PLA2G7: variants seen among roughly 807,000 people sequenced by gnomAD.
The protein encoded by PLA2G7 is platelet-activating factor acetylhydrolase.
PLA2G7 carries 63 observed loss-of-function variants against 49.6 expected under a neutral mutation model. That is an observed-to-expected ratio of 1.27 (90% confidence interval 1.04 to 1.57). PLA2G7 has a LOEUF of 1.57. Among genes scored for constraint, PLA2G7 ranks in the 40% most tolerant of loss-of-function variants. The pLI is 0.00. For synonymous variants in PLA2G7, 193 were observed against 169.9 expected, an observed-to-expected ratio of 1.14 and a Z score of -1.06; for missense variants, 596 against 521.2, an observed-to-expected ratio of 1.14 and a Z score of -1.40.
At chr6:46,712,220 G>T in intron 6 of PLA2G7, 49 bp downstream of exon 6, 2 of 1,111,218 alleles carry the variant, frequency 1.8e-6, no homozygotes, top group South Asian at 1.2e-5. Flanking sequence ...TATGAGCATT[G>T]ACATTCCCTG....
At position 46,735,179 on chromosome 6, in the gene PLA2G7, C is replaced by T. The variant is rs1183453697; in HGVS notation, c.-35+1G>A. On this transcript the variant is annotated splice_donor_variant, in intron 1 of 11. Coordinates refer to ENST00000274793, the MANE Select transcript of PLA2G7 (RefSeq NM_005084.4). LOFTEE classifies it low-confidence loss of function (5UTR_SPLICE). ...GCCTCGCCCCCGGGGCCCCTCCTCA[C>T]TCAGGCGCGGCGCGGAGCTGCTCGC... 6.6e-6 allele frequency: 1 copy of T among 152,208 alleles called. No individual in the cohort carries two copies. The highest frequency in any genetic ancestry group is 1.5e-5 in the Non-Finnish European group (1 of 68,058). The allele number at this position is 152,208 out of a possible 1,614,324, so 9.4% of individuals were successfully genotyped here.
At chr6:46,728,696 GTTCCTGATC>G (rs1765642305) in intron 1 of PLA2G7, among the ~76,000 whole-genome samples, 1 of 152,182 alleles carries the variant, frequency 6.6e-6, no homozygotes, top group Non-Finnish European at 1.5e-5. Flanking sequence ...TATACTGTAA[GTTCCTGATC>G]TTACTCTCAG....
intron 2 of PLA2G7, among the ~76,000 whole-genome samples, chr6:46,721,145 A>G (rs1369195557): frequency 6.6e-6 from 1 of 152,030 alleles, no homozygotes; most frequent in Non-Finnish European, 1.5e-5. Flanking sequence ...GGTTCAAGCA[A>G]TTCTCCTGCC....
At chr6:46,719,968 T>C (rs45560248) in intron 2 of PLA2G7, among the ~76,000 whole-genome samples, 1 of 152,332 alleles carries the variant, frequency 6.6e-6, no homozygotes, top group African/African-American at 2.4e-5. Context: ...TATTTTGAAT[T>C]ACAAAAGGCT....
intron 8 of PLA2G7, among the ~76,000 whole-genome samples, chr6:46,710,076 T>C (rs1010982635): frequency 2.6e-5 from 4 of 152,108 alleles, no homozygotes; most frequent in Admixed American, 6.6e-5. Context: ...AATTTCTTCA[T>C]TGTATCTGGA....
chr6:46,725,913 G>GT (rs1307489311), intron 1 of PLA2G7, among the ~76,000 whole-genome samples: 2 of 152,178 alleles, frequency 1.3e-5, no homozygotes, highest in Non-Finnish European at 2.9e-5. Context: ...TATTTAATGT[G>GT]TATTCACAAG....
At chr6:46,719,252 G>A (rs1050488036) in intron 2 of PLA2G7, among the ~76,000 whole-genome samples, 4 of 152,186 alleles carry the variant, frequency 2.6e-5, no homozygotes, top group African/African-American at 9.6e-5. Context: ...GCCCAGAAAA[G>A]TTTTGAGTCA....
At chr6:46,733,593 G>A (rs940155186) in intron 1 of PLA2G7, among the ~76,000 whole-genome samples, 1 of 152,226 alleles carries the variant, frequency 6.6e-6, no homozygotes, top group East Asian at 1.9e-4. Flanking sequence ...CACTTTCAGT[G>A]CCCAAGTGCA....
intron 7 of PLA2G7, among the ~76,000 whole-genome samples, chr6:46,711,266 A>G (rs927820066): frequency 2.6e-5 from 4 of 152,190 alleles, no homozygotes; most frequent in Non-Finnish European, 4.4e-5. Context: ...GGAATTCTGA[A>G]TATTCACTGT....
At chr6:46,729,190 A>G (rs930634693) in intron 1 of PLA2G7, among the ~76,000 whole-genome samples, 1 of 152,192 alleles carries the variant, frequency 6.6e-6, no homozygotes, top group Admixed American at 6.5e-5. Context: ...TCTCCCGCTA[A>G]AGGAACTCAG....
intron 10 of PLA2G7, among the ~76,000 whole-genome samples, chr6:46,707,131 C>T (rs1338474759): frequency 6.6e-6 from 1 of 152,062 alleles, no homozygotes; most frequent in Non-Finnish European, 1.5e-5. Flanking sequence ...CAAGAATTGC[C>T]AACACGTCAT....
intron 2 of PLA2G7, among the ~76,000 whole-genome samples, chr6:46,717,709 C>CTTT (rs760308042): frequency 9.5e-5 from 11 of 116,202 alleles, no homozygotes; most frequent in African/African-American, 1.5e-4. Flanking sequence ...TTTCTTTTTT[C>CTTT]TTTTTCTTTT....
At chr6:46,735,694 T>C (rs925194273), upstream of PLA2G7, 1 of 152,508 alleles carries the variant, frequency 6.6e-6, no homozygotes, top group Non-Finnish European at 1.5e-5. Flanking sequence ...CCGGTTTTCC[T>C]TGTTTCACCG....
Position 46,712,348 on chromosome 6 carries a change from A to G in PLA2G7, c.471-11T>C. ...GCAGAATAAAGTGTCCTTCAAAACA[A>G]AAAGAGGGAAGAATTACAACTACCA... On this transcript the variant is annotated splice_polypyrimidine_tract_variant and intron_variant, in intron 5 of 11. Transcript: ENST00000274793. 6.2e-7 allele frequency: 1 copy of G among 1,600,946 alleles called. No individual in the cohort carries two copies. The highest frequency in any genetic ancestry group is 1.7e-5 in the Admixed American group (1 of 59,930).
intron 4 of PLA2G7, 141 bp from the exon 5 acceptor site, chr6:46,714,694 G>T: frequency 6.0e-6 from 4 of 663,170 alleles, no homozygotes; most frequent in Non-Finnish European, 1.1e-5. Flanking sequence ...TCATTAAAAA[G>T]ACTGCTACTA....
At chr6:46,729,010 T>C (rs957713858) in intron 1 of PLA2G7, among the ~76,000 whole-genome samples, 2 of 152,094 alleles carry the variant, frequency 1.3e-5, no homozygotes, top group Non-Finnish European at 1.5e-5. Context: ...GATAATGGGG[T>C]TCTTATGGGG....
intron 9 of PLA2G7, 140 bp from the exon 10 acceptor site, chr6:46,708,301 C>A: frequency 1.4e-6 from 1 of 725,464 alleles, no homozygotes; most frequent in Non-Finnish European, 2.5e-6. Context: ...AAAGAGGTAT[C>A]ATACTTCAAT....
rs770747553 is a variant in PLA2G7 at position 46,711,616 on chromosome 6, A to G, written c.543T>C (p.Asp181=). 7 of 1,613,298 alleles carry G rather than the reference A, an allele frequency of 4.3e-6. No individual in the cohort carries two copies. Among genetic ancestry groups the G allele is most frequent in the South Asian group, 1.1e-5 (1 of 91,072 alleles). The part of the protein sequence containing the change: ...GFIVAAVEHR[D]RSASATYYFK... ...AATAGTAAGTTGCAGATGCAGATCT[A>G]TCTCTATAATACAAGCAAAATTATT... The change falls in exon 7 of 12, where the codon GAT becomes GAC. Residue 181 remains aspartate (D), a synonymous_variant. Transcript: ENST00000274793.
At chr6:46,732,311 C>T (rs1765757880) in intron 1 of PLA2G7, among the ~76,000 whole-genome samples, 1 of 151,852 alleles carries the variant, frequency 6.6e-6, no homozygotes, top group Non-Finnish European at 1.5e-5. Context: ...GCAGAGAAGT[C>T]TCTCCTCACA....
Sources: allele counts gnomAD v4.1 joint callset (sites outside exome capture counted in the v4.1 genomes callset), GRCh38; gene constraint gnomAD v4.1.1; transcripts MANE v1.5; gene names NCBI Gene and HGNC (gene_info 2026-07-23, HGNC 2026-07-21).